The following C1QTNF3 variants were observed in gnomAD, a reference collection of about 807,000 sequenced individuals.
C1QTNF3 encodes C1q and TNF related 3, also known as complement C1q tumor necrosis factor-related protein 3.
C1QTNF3 carries 26 observed loss-of-function variants against 32.6 expected under a neutral mutation model. The ratio of observed to expected loss-of-function variants is 0.80; its 90% confidence interval spans 0.58 to 1.11. C1QTNF3 has a LOEUF of 1.11. Ranked by LOEUF, C1QTNF3 falls within the 50% of genes least tolerant of loss-of-function variation. The pLI is 0.00. For synonymous variants in C1QTNF3, 155 were observed against 146.0 expected (o/e 1.06, Z -0.44); for missense variants, 362 against 398.2 (o/e 0.91, Z 0.77).
chr5:34,225,822 T>TGAC, the C1QTNF3 span, among the ~76,000 whole-genome samples: 1 of 151,586 alleles, frequency 6.6e-6, no homozygotes. Flanking sequence ...AACTTATCAT[T>TGAC]AAAGATTTGG....
the C1QTNF3 span, among the ~76,000 whole-genome samples, chr5:34,178,098 C>T: frequency 1.8e-5 from 2 of 111,032 alleles, no homozygotes; most frequent in Admixed American, 1.1e-4. Flanking sequence ...GAAACCTCAT[C>T]TCTACTAAAA....
chr5:34,118,135 AGGGGC>A, the C1QTNF3 span, among the ~76,000 whole-genome samples: 1 of 152,112 alleles, frequency 6.6e-6, no homozygotes, highest in Non-Finnish European at 1.5e-5. Context: ...GCTGGAGTGC[AGGGGC>A]ATGGTTTTGG....
chr5:34,224,202 A>G, the C1QTNF3 span, among the ~76,000 whole-genome samples: 3 of 152,226 alleles, frequency 2.0e-5, no homozygotes, highest in African/African-American at 4.8e-5. Context: ...GGAAGAATCA[A>G]TATGGTGAAA....
At chr5:34,209,158 T>A in the C1QTNF3 span, among the ~76,000 whole-genome samples, 4 of 152,230 alleles carry the variant, frequency 2.6e-5, no homozygotes, top group Non-Finnish European at 5.9e-5. Flanking sequence ...TATTCTCGAA[T>A]GAATATGCTG....
At chr5:34,177,480 CTTTTTTTT>C in the C1QTNF3 span, among the ~76,000 whole-genome samples, 5 of 84,640 alleles carry the variant, frequency 5.9e-5, no homozygotes, top group Non-Finnish European at 8.6e-5. Flanking sequence ...CCATACCCAA[CTTTTTTTT>C]TTTTTTTTTT....
At chr5:34,137,468 T>C in the C1QTNF3 span, among the ~76,000 whole-genome samples, 4 of 152,204 alleles carry the variant, frequency 2.6e-5, no homozygotes, top group Admixed American at 2.0e-4. Flanking sequence ...TCCTATCTGC[T>C]GTGGATCATT....
At chr5:34,045,298 C>T (rs1396143220), upstream of C1QTNF3, among the ~76,000 whole-genome samples, 3 of 152,194 alleles carry the variant, frequency 2.0e-5, no homozygotes, top group African/African-American at 7.2e-5. Flanking sequence ...TCAACCCTGG[C>T]TGCATATTAA....
At chr5:34,041,099 G>A (rs1236734470) in intron 1 of C1QTNF3, among the ~76,000 whole-genome samples, 2 of 152,094 alleles carry the variant, frequency 1.3e-5, no homozygotes, top group African/African-American at 2.4e-5. Context: ...AGAAATACAC[G>A]GGAACTGAAT....
At chr5:34,173,761 C>G in the C1QTNF3 span, among the ~76,000 whole-genome samples, 7 of 143,436 alleles carry the variant, frequency 4.9e-5, no homozygotes, top group African/African-American at 1.8e-4. Flanking sequence ...ATTACTTTAG[C>G]ATATTATCTC....
the C1QTNF3 span, among the ~76,000 whole-genome samples, chr5:34,051,860 C>T: frequency 6.6e-6 from 1 of 152,246 alleles, no homozygotes; most frequent in East Asian, 1.9e-4. Flanking sequence ...TCATCCTACT[C>T]TTCCTCTCCT....
At chr5:34,158,470 T>C in the C1QTNF3 span, 1 of 152,168 alleles carries the variant, frequency 6.6e-6, no homozygotes, top group Admixed American at 6.5e-5. Context: ...TCTTATTTTT[T>C]ACAAACATAC....
the C1QTNF3 span, among the ~76,000 whole-genome samples, chr5:34,053,129 T>C: frequency 6.6e-6 from 1 of 152,220 alleles, no homozygotes; most frequent in Non-Finnish European, 1.5e-5. Context: ...ATAATCCTTA[T>C]AAAACCTTGA....
At position 34,024,008 on chromosome 5, in the gene C1QTNF3, C is replaced by T; in HGVS notation, c.701G>A (p.Gly234Asp). The T allele has an allele frequency of 6.2e-7, 1 of 1,613,130 alleles. No homozygotes were observed. Among genetic ancestry groups the T allele is most frequent in the Non-Finnish European group, 8.5e-7 (1 of 1,179,358 alleles). ...MTGRFGAPVS[G>D]VYFFTFSMMK... ...CATGCTGAAGGTGAAGAAATACACA[C>T]CTGAAAAAAGCAGGTATATATCCAT... The change falls in exon 5 of 6, where the codon GGT becomes GAT. Residue 234 changes from glycine (G) to aspartate (D), a missense_variant and splice_region_variant. By Grantham distance (94) the Gly-to-Asp change is moderately conservative. Transcript: ENST00000382065.
chr5:34,030,135 C>A (rs1004430528), intron 3 of C1QTNF3, among the ~76,000 whole-genome samples: 1 of 152,108 alleles, frequency 6.6e-6, no homozygotes, highest in South Asian at 2.1e-4. Context: ...GCAAAAATTT[C>A]TCAGCATGAT....
rs1204023594 is a variant in C1QTNF3 at position 34,042,888 on chromosome 5, T to A, written c.238A>T (p.Arg80Ter). ...TCGGGGTGCGGTAGCTCATCTGGTC[T>A]CAGGGATTTTAGGTCTGTAGAAGTG... ...NNTSTDLKSL[R>*]PDELPHPEVD... Residue 80 changes from arginine (R) to a stop codon, truncating the protein, a stop_gained, in exon 1 of 6, where the codon AGA (arginine) becomes TGA (stop). Coordinates refer to ENST00000382065, the MANE Select transcript of C1QTNF3 (RefSeq NM_181435.6). LOFTEE classifies it high-confidence loss of function. The A allele has an allele frequency of 6.2e-7, 1 of 1,614,066 alleles. No individual in the cohort carries two copies. Among genetic ancestry groups the A allele is most frequent in the Non-Finnish European group, 8.5e-7 (1 of 1,180,038 alleles).
At chr5:34,056,831 A>C in the C1QTNF3 span, among the ~76,000 whole-genome samples, 1 of 152,090 alleles carries the variant, frequency 6.6e-6, no homozygotes, top group Admixed American at 6.6e-5. Flanking sequence ...ATTCTAATGA[A>C]CCAGTCCAGG....
chr5:34,183,516 A>C, the C1QTNF3 span, among the ~76,000 whole-genome samples: 1 of 148,286 alleles, frequency 6.7e-6, no homozygotes, highest in East Asian at 2.0e-4. Flanking sequence ...TTTTTAGTAG[A>C]GACGGAGTTT....
intron 2 of C1QTNF3, among the ~76,000 whole-genome samples, chr5:34,034,878 G>T (rs1442468049): frequency 6.6e-6 from 1 of 152,108 alleles, no homozygotes; most frequent in African/African-American, 2.4e-5. Context: ...TTTTGTGCAA[G>T]AAGCTACTCA....
chr5:34,211,634 AT>A, the C1QTNF3 span, among the ~76,000 whole-genome samples: 1 of 147,910 alleles, frequency 6.8e-6, no homozygotes, highest in South Asian at 2.1e-4. Context: ...GAGTGAGAAC[AT>A]CCGGTGTTTG....
Sources: allele counts gnomAD v4.1 joint callset (sites outside exome capture counted in the v4.1 genomes callset), GRCh38; gene constraint gnomAD v4.1.1; transcripts MANE v1.5; gene names NCBI Gene and HGNC (gene_info 2026-07-23, HGNC 2026-07-21).